PPFIBP2: variants seen among roughly 807,000 people sequenced by gnomAD.
PPFIBP2 encodes the protein PPFIB scaffold protein 2, also known as liprin-beta-2.
PPFIBP2 carries 118 observed loss-of-function variants against 118.3 expected under a neutral mutation model. That is an observed-to-expected ratio of 1.00 (90% CI 0.86 to 1.16). PPFIBP2 has a LOEUF of 1.16. Among genes scored for constraint, PPFIBP2 ranks in the 50% most tolerant of loss-of-function variants. The pLI is 0.00. For missense variants in PPFIBP2, 1,195 were observed against 1,073.1 expected (o/e 1.11, Z -1.59); for synonymous variants, 414 against 397.4 (o/e 1.04, Z -0.50).
At chr11:7,632,540 A>G (rs1159597821) in intron 11 of PPFIBP2, 1 of 190,382 alleles carries the variant, frequency 5.3e-6, no homozygotes, top group East Asian at 1.2e-4. Context: ...TCGCTGAATG[A>G]AAGGAAAAGC....
chr11:7,582,362 A>C (rs1183031106), intron 3 of PPFIBP2, among the ~76,000 whole-genome samples: 1 of 152,156 alleles, frequency 6.6e-6, no homozygotes, highest in African/African-American at 2.4e-5. Flanking sequence ...ATTTCTGGCC[A>C]ACACACCCGA....
At chr11:7,570,636 G>A (rs149914276) in intron 3 of PPFIBP2, among the ~76,000 whole-genome samples, 130 of 152,298 alleles carry the variant, frequency 8.5e-4, no homozygotes, top group African/African-American at 3.0e-3. Context: ...TGGGGTACAT[G>A]GAGTAGGCTT....
rs765127004 is a variant in PPFIBP2, at chr11:7,565,761, G to A, written c.273G>A (p.Glu91=). 3.1e-6 allele frequency: 5 copies of A among 1,614,032 alleles called. No homozygotes were observed. Among genetic ancestry groups the A allele is most frequent in the South Asian group, 1.1e-5 (1 of 91,066 alleles). Residue 91 remains glutamate, a synonymous_variant, in exon 3 of 24, where the codon GAG becomes GAA. Coordinates refer to ENST00000299492, the MANE Select transcript of PPFIBP2 (RefSeq NM_003621.5). ...TAAYIKEWFE[E]SLSQVNHHSA... is the part of the protein sequence containing the mutation. ...CCTACATAAAGGAATGGTTTGAAGAGAGCTTGGTGAGTAGTCCCGTGGCCT... is the reference window on the plus strand; with the variant it reads ...CCTACATAAAGGAATGGTTTGAAGAAAGCTTGGTGAGTAGTCCCGTGGCCT...
At chr11:7,605,942 G>A in intron 5 of PPFIBP2, 2 of 1,531,846 alleles carry the variant, frequency 1.3e-6, no homozygotes, top group South Asian at 1.2e-5. Context: ...AGAATGTGAA[G>A]CCAGAGTGGA....
At chr11:7,665,955 G>C in the PPFIBP2 span, 12 of 1,527,664 alleles carry the variant, frequency 7.9e-6, no homozygotes, top group Non-Finnish European at 9.7e-6. Flanking sequence ...TGACAAGCAG[G>C]TACAGCCGGG....
chr11:7,596,785 A>G (rs548474998), intron 4 of PPFIBP2, among the ~76,000 whole-genome samples: 47 of 152,320 alleles, frequency 3.1e-4, no homozygotes, highest in African/African-American at 1.0e-3. Flanking sequence ...CTTAATAAAG[A>G]AAAAGGATCC....
At chr11:7,654,714 T>C (rs1370765010), downstream of PPFIBP2, among the ~76,000 whole-genome samples, 1 of 152,238 alleles carries the variant, frequency 6.6e-6, no homozygotes, top group African/African-American at 2.4e-5. Flanking sequence ...AGGGCAGGCT[T>C]TGTCCCTTGT....
At chr11:7,572,023 T>A (rs1376457056) in intron 3 of PPFIBP2, 1 of 152,234 alleles carries the variant, frequency 6.6e-6, no homozygotes, top group African/African-American at 2.4e-5. Flanking sequence ...AGATAATTCT[T>A]TGCCATTTTC....
intron 20 of PPFIBP2, 112 bp downstream of exon 20, chr11:7,649,347 G>A: frequency 7.9e-7 from 1 of 1,262,840 alleles, no homozygotes; most frequent in Non-Finnish European, 1.1e-6. Flanking sequence ...CCTTGAAATA[G>A]TATCATTTGT....
intron 5 of PPFIBP2, among the ~76,000 whole-genome samples, chr11:7,602,557 A>G (rs928395241): frequency 6.6e-6 from 1 of 152,174 alleles, no homozygotes; most frequent in Non-Finnish European, 1.5e-5. Context: ...GAGGTTTTAC[A>G]TGGAGCTGGT....
intron 15 of PPFIBP2, among the ~76,000 whole-genome samples, 170 bp downstream of exon 15, chr11:7,640,040 CT>C (rs1851954507): frequency 6.6e-6 from 1 of 152,118 alleles, no homozygotes; most frequent in Non-Finnish European, 1.5e-5. Flanking sequence ...GAGGCTCCCC[CT>C]GGGCGAGCTG....
intron 3 of PPFIBP2, among the ~76,000 whole-genome samples, chr11:7,571,141 G>A (rs990383400): frequency 2.0e-5 from 3 of 152,172 alleles, no homozygotes; most frequent in African/African-American, 7.2e-5. Flanking sequence ...GCTGGCCCCA[G>A]CTGGGATAAG....
At chr11:7,643,278 G>A (rs1431844379) in intron 17 of PPFIBP2, among the ~76,000 whole-genome samples, 1 of 152,198 alleles carries the variant, frequency 6.6e-6, no homozygotes, top group East Asian at 1.9e-4. Context: ...AAGCTTGAAT[G>A]ATTGATCTTT....
downstream of PPFIBP2, chr11:7,655,384 T>C (rs1458658458): frequency 7.2e-6 from 9 of 1,256,012 alleles, no homozygotes; most frequent in Admixed American, 2.3e-5. Flanking sequence ...TCTCTCTGAA[T>C]CACAAGCTGC....
At position 7,650,968 on chromosome 11, in the gene PPFIBP2, G is replaced by T; in HGVS notation, c.2247+3G>T. On this transcript the variant is annotated splice_donor_region_variant and intron_variant, in intron 22 of 23. Transcript: ENST00000299492. ...GTGGAGTCCATGGAGGCCTCATTGT[G>T]AGTGGCTCTCTGGCCTAGCCCACCT... The T allele has an allele frequency of 1.2e-6, 2 of 1,612,798 alleles. No homozygotes were observed. Among genetic ancestry groups the T allele is most frequent in the Non-Finnish European group, 1.7e-6 (2 of 1,179,128 alleles).
rs553206725 is a variant in PPFIBP2 at position 7,636,736 on chromosome 11, G to GA, written c.1236+1150dup. Among the ~76,000 whole-genome samples, 18 of 152,178 alleles carry GA rather than the reference G, an allele frequency of 1.2e-4. 1 individual carries two copies. In the South Asian group the frequency reaches 2.7e-3, roughly 23 times the overall value. On this transcript the variant is annotated intron_variant, in intron 14 of 23. Coordinates refer to ENST00000299492, the MANE Select transcript of PPFIBP2 (RefSeq NM_003621.5). Reference sequence around the variant, plus strand: ...TAAGTAACGTAGAACTATTTATAAAGAAAAAAATGCTCCAGATTAAAAGAT... The same window carrying GA: ...TAAGTAACGTAGAACTATTTATAAAGAAAAAAAATGCTCCAGATTAAAAGAT...
intron 2 of PPFIBP2, among the ~76,000 whole-genome samples, chr11:7,563,892 G>A (rs781749017): frequency 7.9e-5 from 12 of 152,140 alleles, no homozygotes; most frequent in African/African-American, 2.9e-4. Flanking sequence ...CAGGCCAGGC[G>A]CAGTGGCTCA....
chr11:7,606,473 A>C (rs765387915), intron 5 of PPFIBP2, among the ~76,000 whole-genome samples: 1 of 152,208 alleles, frequency 6.6e-6, no homozygotes, highest in Non-Finnish European at 1.5e-5. Context: ...AGTAATCATG[A>C]CAGGGGCAAG....
chr11:7,562,966 T>TACACACACAC lies in PPFIBP2; in HGVS notation c.65-2586_65-2585insCACACACACA, dbSNP rs1401185159. On this transcript the variant is annotated intron_variant, in intron 2 of 23. Transcript: ENST00000299492. ...ATATATATATATATATATATATATA[T>TACACACACAC]ATATATATATACACGCACACACACA... is the stretch of plus-strand genomic sequence containing the variant. Among the ~76,000 whole-genome samples, 136 of 74,132 alleles carry TACACACACAC rather than the reference T, an allele frequency of 1.8e-3. 1 individual carries two copies. Among genetic ancestry groups the TACACACACAC allele is most frequent in the African/African-American group, 8.5e-3 (133 of 15,680 alleles). The allele number at this position is 74,132 out of a possible 152,430, so 48.6% of individuals were successfully genotyped here. A position where few individuals can be genotyped will look rare whatever the true frequency, so the allele number is the denominator to read the frequency against.
Sources: gnomAD v4.1 joint callset for allele counts (sites outside exome capture counted in the v4.1 genomes callset) on GRCh38, gnomAD v4.1.1 for gene constraint, MANE v1.5 for transcripts, NCBI Gene and HGNC (gene_info 2026-07-23, HGNC 2026-07-21) for gene names.